The following MDN1 variants were observed in gnomAD, a reference collection of about 807,000 sequenced individuals.
MDN1 encodes the protein midasin AAA ATPase 1.
In MDN1, 266 loss-of-function variants were observed where a neutral mutation model predicts 669.2. The observed-to-expected ratio is 0.40, with a 90% confidence interval of 0.36 to 0.44. The LOEUF (loss-of-function observed/expected upper bound fraction) is 0.44. MDN1 is among the 20% of genes least tolerant of loss of function. The pLI, the probability that MDN1 is intolerant of heterozygous loss-of-function variation, is 1.00. For synonymous variants in MDN1, 2,385 were observed against 2,457.1 expected (o/e 0.97, Z 0.87); for missense variants, 5,940 against 6,754.0 (o/e 0.88, Z 4.22).
chr6:89,816,082 G>C (rs906677765), intron 1 of MDN1, among the ~76,000 whole-genome samples: 1 of 152,184 alleles, frequency 6.6e-6, no homozygotes, highest in African/African-American at 2.4e-5. Context: ...ATAAAGACTA[G>C]ATAACACTGC....
intron 1 of MDN1, among the ~76,000 whole-genome samples, chr6:89,818,785 G>C (rs1769036646): frequency 6.6e-6 from 1 of 151,252 alleles, no homozygotes; most frequent in African/African-American, 2.4e-5. Context: ...CTCCAGCCTG[G>C]CGACACAGCG....
chr6:89,646,692 G>T, intron 99 of MDN1, 89 bp from the exon 100 acceptor site: 1 of 1,144,734 alleles, frequency 8.7e-7, no homozygotes, highest in Non-Finnish European at 1.3e-6. Context: ...TGACATTGAA[G>T]TGATTATCAG....
chr6:89,661,292 C>A, intron 88 of MDN1, 139 bp downstream of exon 88: 1 of 940,968 alleles, frequency 1.1e-6, no homozygotes, highest in South Asian at 1.7e-5. Context: ...AAAGGCAAAC[C>A]ATTTTCTCAG....
intron 15 of MDN1, among the ~76,000 whole-genome samples, chr6:89,762,738 A>G (rs1180202517): frequency 6.6e-6 from 1 of 152,132 alleles, no homozygotes; most frequent in African/African-American, 2.4e-5. Context: ...GAAGGTAAAA[A>G]CTATTATTAG....
intron 19 of MDN1, among the ~76,000 whole-genome samples, chr6:89,757,359 G>A (rs1481653082): frequency 1.3e-5 from 2 of 152,126 alleles, no homozygotes; most frequent in East Asian, 1.9e-4. Flanking sequence ...GCGTATACTG[G>A]TATATGTTTT....
intron 72 of MDN1, 94 bp from the exon 73 acceptor site, chr6:89,683,424 C>G (rs1811781955): frequency 1.0e-6 from 1 of 971,610 alleles, no homozygotes; most frequent in East Asian, 2.6e-5. Flanking sequence ...CATACATAAT[C>G]TAATACCCTG....
rs1319447800 is a variant in MDN1, at chr6:89,700,514, TTATA to T, written c.8638+128_8638+131del. ...TGAAATTTAGTCCTATGCCTGACAC[TTATA>T]TAAAGGTATATAAACTCTACCCCTC... On this transcript the variant is annotated intron_variant, in intron 56 of 101. Transcript: ENST00000369393. 3 of 845,356 alleles carry T rather than the reference TTATA, an allele frequency of 3.5e-6. No individual in the cohort carries two copies. In the African/African-American group the frequency reaches 5.2e-5, roughly 15 times the overall value. 52.4% of individuals were successfully genotyped at this position (845,356 alleles called of 1,614,324 possible).
rs189936340 is a variant in MDN1 at position 89,685,715 on chromosome 6, G to T, written c.11719+112C>A. The T allele has an allele frequency of 3.5e-4, 391 of 1,122,574 alleles. 7 individuals are homozygous for T. The East Asian group carries it at 8.3e-3, about 24-fold the overall frequency. 69.5% of individuals were successfully genotyped at this position (1,122,574 alleles called of 1,614,324 possible). A position where few individuals can be genotyped will look rare whatever the true frequency, so the allele number is the denominator to read the frequency against. ...TGAATCGCATTAAACATAACTAAAT[G>T]TGTCTTGTTTAAAACCTAGCGTGCA... is the stretch of plus-strand genomic sequence containing the variant. On this transcript the variant is annotated intron_variant, in intron 70 of 101. Coordinates refer to ENST00000369393, the MANE Select transcript of MDN1 (RefSeq NM_014611.3).
chr6:89,735,543 G>C (rs35886524), intron 33 of MDN1, among the ~76,000 whole-genome samples: 4 of 151,816 alleles, frequency 2.6e-5, no homozygotes, highest in Admixed American at 2.6e-4. Context: ...CTGGCTTTTA[G>C]AATCTTTTGT....
At chr6:89,788,852 G>A (rs188339589) in intron 7 of MDN1, among the ~76,000 whole-genome samples, 9 of 152,324 alleles carry the variant, frequency 5.9e-5, no homozygotes, top group East Asian at 1.9e-4. Context: ...AAGGCCGGGC[G>A]CGGTGGCTCA....
chr6:89,656,776 G>C lies in MDN1; in HGVS notation c.15209C>G (p.Ala5070Gly). 1.9e-6 allele frequency: 3 copies of C among 1,613,632 alleles called. No homozygotes were observed. Among genetic ancestry groups the C allele is most frequent in the Non-Finnish European group, 1.7e-6 (2 of 1,179,764 alleles). ...CGATTCATGGCCTTCTGCCTGGTTT[G>C]CATCTGCAGCTCCACTTCCGTGTTC... Reference protein sequence around the residue: ...KEEHGSGAADANQAEGHESNF... With the variant: ...KEEHGSGAADGNQAEGHESNF... Residue 5070 changes from alanine to glycine, a missense_variant, in exon 91 of 102, where the codon GCA (alanine) becomes GGA (glycine). By Grantham distance (60) the Ala-to-Gly change is moderately conservative. Coordinates refer to ENST00000369393, the MANE Select transcript of MDN1 (RefSeq NM_014611.3).
intron 43 of MDN1, among the ~76,000 whole-genome samples, chr6:89,717,846 G>A (rs1354517522): frequency 6.6e-6 from 1 of 152,158 alleles, no homozygotes; most frequent in African/African-American, 2.4e-5. Context: ...CAAGCATAGT[G>A]ACAGACCCAG....
intron 80 of MDN1, 128 bp from the exon 81 acceptor site, chr6:89,672,830 A>G (rs944649668): frequency 9.7e-7 from 1 of 1,031,480 alleles, no homozygotes; most frequent in African/African-American, 1.6e-5. Flanking sequence ...TGCCAGATAC[A>G]AAGAAGAGAC....
intron 35 of MDN1, 82 bp downstream of exon 35, chr6:89,730,644 A>G (rs1440455911): frequency 1.9e-6 from 2 of 1,041,652 alleles, no homozygotes; most frequent in Non-Finnish European, 2.8e-6. Flanking sequence ...TGAGTATTAC[A>G]CATTAAAACT....
intron 29 of MDN1, 124 bp from the exon 30 acceptor site, chr6:89,743,838 C>T: frequency 9.7e-7 from 1 of 1,032,732 alleles, no homozygotes. Context: ...CAGTGCTGGC[C>T]AATGTGGAAC....
intron 5 of MDN1, among the ~76,000 whole-genome samples, chr6:89,791,615 T>TA (rs1207213750): frequency 6.6e-6 from 1 of 152,092 alleles, no homozygotes; most frequent in Non-Finnish European, 1.5e-5. Flanking sequence ...TAACAAAAAG[T>TA]AAAAAAGAAT....
chr6:89,759,948 T>C (rs1584329621), intron 17 of MDN1, among the ~76,000 whole-genome samples: 2 of 149,916 alleles, frequency 1.3e-5, no homozygotes, highest in East Asian at 2.0e-4. Context: ...GGCACACACC[T>C]GTAATCCCAG....
At chr6:89,768,654 A>G (rs1188443643) in intron 15 of MDN1, among the ~76,000 whole-genome samples, 1 of 152,024 alleles carries the variant, frequency 6.6e-6, no homozygotes, top group Admixed American at 6.6e-5. Flanking sequence ...AGAGGATCAC[A>G]TGAGCCTAGG....
chr6:89,650,169 T>G lies in MDN1; in HGVS notation c.16061A>C (p.Asn5354Thr), dbSNP rs548353063. 2 of 1,614,174 alleles carry G rather than the reference T, an allele frequency of 1.2e-6. No individual in the cohort carries two copies. Among genetic ancestry groups the G allele is most frequent in the African/African-American group, 2.7e-5 (2 of 75,058 alleles). Residue 5354 changes from asparagine to threonine, a missense_variant, in exon 97 of 102, where the codon AAC (asparagine) becomes ACC (threonine). Asn to Thr is a moderately conservative substitution (Grantham distance 65, BLOSUM62 0). Around this residue, in one of 5 missense-constraint regions of MDN1, gnomAD observed 2,280 missense variants for 2,576.3 expected, o/e 0.88. Coordinates refer to ENST00000369393, the MANE Select transcript of MDN1 (RefSeq NM_014611.3). The part of the protein sequence containing the change: ...KGDYRTGKRL[N>T]IRKVIPYIAS... ...AATGTATGGAATGACTTTCCGTATGTTTAGTCGTTTCCCAGTTCGATAGTC... is the reference window on the plus strand; with the variant it reads ...AATGTATGGAATGACTTTCCGTATGGTTAGTCGTTTCCCAGTTCGATAGTC...
Sources: gnomAD v4.1 joint callset for allele counts (sites outside exome capture counted in the v4.1 genomes callset) on GRCh38, gnomAD v4.1.1 for gene constraint, gnomAD v4.1.1 regional missense constraint, MANE v1.5 for transcripts, NCBI Gene and HGNC (gene_info 2026-07-23, HGNC 2026-07-21) for gene names.